CCR5AS: variants seen among roughly 807,000 people sequenced by gnomAD.
CCR5AS encodes CCR5 antisense RNA.
intron 2 of CCR5AS, among the ~76,000 whole-genome samples, chr3:46,380,397 T>C (rs1701805294): frequency 6.6e-6 from 1 of 152,218 alleles, no homozygotes; most frequent in Non-Finnish European, 1.5e-5. Context: ...AAAAAATAAT[T>C]GTAACTTATT....
intron 2 of CCR5AS, chr3:46,374,232 C>T (rs1701721064): frequency 6.2e-6 from 2 of 321,584 alleles, no homozygotes; most frequent in Non-Finnish European, 1.2e-5. Context: ...TATTGACAAA[C>T]TCTCCCTTCA....
chr3:46,389,886 TA>T (rs1701895182), intron 2 of CCR5AS, among the ~76,000 whole-genome samples: 1 of 152,170 alleles, frequency 6.6e-6, no homozygotes, highest in South Asian at 2.1e-4. Flanking sequence ...AGGGTATGTG[TA>T]TGTTGATGGA....
At chr3:46,387,500 A>G (rs1313180088) in intron 2 of CCR5AS, among the ~76,000 whole-genome samples, 1 of 152,060 alleles carries the variant, frequency 6.6e-6, no homozygotes, top group Non-Finnish European at 1.5e-5. Flanking sequence ...TTCTCCCTCC[A>G]CACTTTAGGT....
chr3:46,390,077 T>C (rs1364010316), intron 2 of CCR5AS, among the ~76,000 whole-genome samples: 1 of 151,646 alleles, frequency 6.6e-6, no homozygotes. Flanking sequence ...GGTAGATGGG[T>C]GAAAAGAAAG....
intron 2 of CCR5AS, among the ~76,000 whole-genome samples, chr3:46,380,177 C>T (rs1211372737): frequency 6.6e-6 from 1 of 151,924 alleles, no homozygotes; most frequent in Non-Finnish European, 1.5e-5. Flanking sequence ...ATGGCAACCC[C>T]CTGAAGGGTG....
chr3:46,392,767 A>T (rs1701923426), intron 2 of CCR5AS: 1 of 160,470 alleles, frequency 6.2e-6, no homozygotes, highest in Non-Finnish European at 1.4e-5. Flanking sequence ...AATTTGAAGG[A>T]CAGGGAGATT....
intron 2 of CCR5AS, chr3:46,371,456 A>G (rs1701658834): frequency 1.3e-5 from 2 of 152,350 alleles, no homozygotes; most frequent in South Asian, 4.1e-4. Context: ...TACAAACGCC[A>G]AATAAAATTT....
At chr3:46,403,657 G>A (rs1043870971) in intron 1 of CCR5AS, among the ~76,000 whole-genome samples, 1 of 152,248 alleles carries the variant, frequency 6.6e-6, no homozygotes, top group Non-Finnish European at 1.5e-5. Flanking sequence ...AGTTTGCAGA[G>A]TTGTGGCAGG....
At chr3:46,400,051 T>C (rs531895564) in intron 1 of CCR5AS, among the ~76,000 whole-genome samples, 11 of 152,116 alleles carry the variant, frequency 7.2e-5, no homozygotes, top group Non-Finnish European at 1.5e-4. Flanking sequence ...GTAGTAGTAG[T>C]AGCACAATCA....
At chr3:46,383,023 T>C (rs1025190083) in intron 2 of CCR5AS, among the ~76,000 whole-genome samples, 3 of 152,164 alleles carry the variant, frequency 2.0e-5, no homozygotes, top group African/African-American at 7.2e-5. Context: ...CTTTAATAAT[T>C]TGCTAATAAT....
chr3:46,380,858 C>T (rs1559571249), intron 2 of CCR5AS, among the ~76,000 whole-genome samples: 1 of 152,196 alleles, frequency 6.6e-6, no homozygotes, highest in Non-Finnish European at 1.5e-5. Context: ...CCAGGTGATT[C>T]TAAGTGTAGC....
chr3:46,373,036 T>C (rs1559567874), intron 2 of CCR5AS: 2 of 1,614,140 alleles, frequency 1.2e-6, no homozygotes, highest in Non-Finnish European at 8.5e-7. Context: ...ATCTTTGGTT[T>C]TGTGGGCAAC....
At chr3:46,367,451 G>A (rs1333355302) in intron 3 of CCR5AS, among the ~76,000 whole-genome samples, 3 of 151,286 alleles carry the variant, frequency 2.0e-5, no homozygotes, top group Non-Finnish European at 4.4e-5. Context: ...AGTCAGGATT[G>A]AAACATCATG....
At chr3:46,380,994 T>TC (rs1701810612) in intron 2 of CCR5AS, among the ~76,000 whole-genome samples, 1 of 151,970 alleles carries the variant, frequency 6.6e-6, no homozygotes, top group Admixed American at 6.6e-5. Context: ...AACAGAACAT[T>TC]CCCCAAGCTG....
chr3:46,388,497 A>T lies in CCR5AS; in HGVS notation n.391+4328T>A, dbSNP rs540926765. Among the ~76,000 whole-genome samples, 29 of 152,348 alleles carry T rather than the reference A, an allele frequency of 1.9e-4. No homozygotes were observed. The South Asian group carries it at 5.8e-3, about 30-fold the overall frequency. The stretch of plus-strand genomic sequence containing the variant: ...GAGGACCCAGGACATCCAATTAGAG[A>T]GTGCCCAAGGGGGTTCAGCATAATT... On this transcript the variant is annotated intron_variant and non_coding_transcript_variant, in intron 2 of 3. Transcript: ENST00000451485.
intron 2 of CCR5AS, among the ~76,000 whole-genome samples, chr3:46,383,543 C>A (rs1701832547): frequency 6.6e-6 from 1 of 152,166 alleles, no homozygotes; most frequent in Non-Finnish European, 1.5e-5. Flanking sequence ...CAGTCTACTT[C>A]CGGGGCCCTC....
At chr3:46,373,459 A>G in intron 2 of CCR5AS, 1 of 1,316,614 alleles carries the variant, frequency 7.6e-7, no homozygotes, top group Non-Finnish European at 1.1e-6. Context: ...CCATACAGTC[A>G]GTATCAATTC....
chr3:46,384,492 G>C (rs1017878227), intron 2 of CCR5AS, among the ~76,000 whole-genome samples: 4 of 152,176 alleles, frequency 2.6e-5, no homozygotes, highest in African/African-American at 2.4e-5. Context: ...GTTGCTCTTT[G>C]CTAGAAAAGA....
chr3:46,394,178 G>A (rs1410657301), intron 1 of CCR5AS, among the ~76,000 whole-genome samples: 3 of 152,110 alleles, frequency 2.0e-5, no homozygotes, highest in African/African-American at 4.8e-5. Context: ...GGCATCTAGT[G>A]GGTGAAGGTC....
Sources: allele counts gnomAD v4.1 joint callset (sites outside exome capture counted in the v4.1 genomes callset), GRCh38; gene constraint gnomAD v4.1.1; transcripts MANE v1.5; gene names NCBI Gene and HGNC (gene_info 2026-07-23, HGNC 2026-07-21).